COBL: variants seen among roughly 807,000 people sequenced by gnomAD.
COBL encodes the protein protein cordon-bleu.
Under a neutral mutation model 98.8 loss-of-function variants are expected in COBL, and 51 were observed. The observed-to-expected ratio is 0.52, with a 90% CI of 0.41 to 0.65. The LOEUF is 0.65. Among genes scored for constraint, COBL ranks in the 30% least tolerant of loss-of-function variants. COBL has a pLI of 0.00. For missense variants in COBL, 1,617 were observed against 1,617.5 expected (o/e 1.00, Z 0.01); for synonymous variants, 634 against 651.7 (o/e 0.97, Z 0.41).
chr7:51,047,704 ACTG>A (rs1789853149), intron 7 of COBL, among the ~76,000 whole-genome samples: 1 of 152,172 alleles, frequency 6.6e-6, no homozygotes, highest in Non-Finnish European at 1.5e-5. Flanking sequence ...GCCACCTCAC[ACTG>A]CTGCCTGTGG....
At chr7:51,290,699 A>G (rs1003586764) in intron 1 of COBL, among the ~76,000 whole-genome samples, 2 of 152,104 alleles carry the variant, frequency 1.3e-5, no homozygotes, top group Admixed American at 6.5e-5. Context: ...AGTTTCAGGA[A>G]GATTAAACTG....
chr7:51,085,370 G>A, intron 6 of COBL, 66 bp from the exon 7 acceptor site: 3 of 1,399,764 alleles, frequency 2.1e-6, no homozygotes, highest in Non-Finnish European at 2.9e-6. Flanking sequence ...AAAGAAGGCA[G>A]TATTAGGGTG....
At chr7:51,065,979 G>A (rs1343312470) in intron 7 of COBL, among the ~76,000 whole-genome samples, 3 of 152,162 alleles carry the variant, frequency 2.0e-5, no homozygotes, top group South Asian at 2.1e-4. Context: ...CAACCCTGCC[G>A]ACACTTTGAT....
chr7:51,170,710 A>G (rs145807983), intron 5 of COBL, among the ~76,000 whole-genome samples: 2,044 of 152,064 alleles, frequency 0.013, 46 homozygotes, highest in African/African-American at 0.047. Flanking sequence ...CCATGCTCCC[A>G]TATGTGGAAT....
chr7:51,081,965 G>A (rs1481983212), intron 7 of COBL, among the ~76,000 whole-genome samples: 5 of 151,990 alleles, frequency 3.3e-5, no homozygotes, highest in Non-Finnish European at 5.9e-5. Flanking sequence ...TTTGCATTCG[G>A]AAGCATGTCT....
At chr7:51,020,983 A>C (rs1786872711) in intron 12 of COBL, 1 of 152,226 alleles carries the variant, frequency 6.6e-6, no homozygotes, top group African/African-American at 2.4e-5. Context: ...TTGGGTGACC[A>C]ATCACCCAAT....
chr7:51,156,124 A>G (rs777438304), intron 5 of COBL: 8 of 977,650 alleles, frequency 8.2e-6, no homozygotes, highest in Non-Finnish European at 9.7e-6. Context: ...AAGAAAACAA[A>G]TATCAAAGAC....
At chr7:51,080,526 T>G (rs930934400) in intron 7 of COBL, among the ~76,000 whole-genome samples, 4 of 152,170 alleles carry the variant, frequency 2.6e-5, no homozygotes, top group African/African-American at 9.7e-5. Flanking sequence ...TGGTAAGGCC[T>G]CCTGCCTCGG....
At chr7:51,066,376 C>A (rs1791925855) in intron 7 of COBL, among the ~76,000 whole-genome samples, 1 of 152,154 alleles carries the variant, frequency 6.6e-6, no homozygotes, top group Non-Finnish European at 1.5e-5. Flanking sequence ...GAATGGCTTC[C>A]TGGGGAGATA....
At chr7:51,108,827 G>A (rs1402193437) in intron 6 of COBL, among the ~76,000 whole-genome samples, 1 of 151,934 alleles carries the variant, frequency 6.6e-6, no homozygotes, top group Admixed American at 6.6e-5. Context: ...CTGAGCTCTT[G>A]TATAGCTCTC....
intron 2 of COBL, among the ~76,000 whole-genome samples, chr7:51,200,468 G>C (rs1293982947): frequency 6.6e-6 from 1 of 152,104 alleles, no homozygotes; most frequent in African/African-American, 2.4e-5. Flanking sequence ...AATAAAATCT[G>C]ACATCAGTTA....
chr7:51,026,802 G>C, intron 10 of COBL, 137 bp from the exon 11 acceptor site: 1 of 1,116,272 alleles, frequency 9.0e-7, no homozygotes, highest in Non-Finnish European at 1.3e-6. Context: ...GGAGGCTGTG[G>C]CACCAGAATT....
chr7:51,085,455 G>C (rs1234871501), intron 6 of COBL, 151 bp from the exon 7 acceptor site: 2 of 840,238 alleles, frequency 2.4e-6, no homozygotes, highest in South Asian at 1.8e-5. Flanking sequence ...TCCCTTTCCA[G>C]GTCCTCCCAC....
chr7:51,305,809 G>A (rs940512241), intron 1 of COBL, among the ~76,000 whole-genome samples: 3 of 151,716 alleles, frequency 2.0e-5, no homozygotes, highest in African/African-American at 7.3e-5. Context: ...CCAAGGCGGT[G>A]GATCACTTGA....
chr7:51,124,303 G>C (rs1456822510), intron 6 of COBL, among the ~76,000 whole-genome samples: 1 of 152,128 alleles, frequency 6.6e-6, no homozygotes, highest in African/African-American at 2.4e-5. Context: ...TGGCACAATG[G>C]CCTTTCATTA....
At chr7:51,191,660 G>A (rs549846452) in intron 3 of COBL, among the ~76,000 whole-genome samples, 1 of 151,598 alleles carries the variant, frequency 6.6e-6, no homozygotes, top group Non-Finnish European at 1.5e-5. Context: ...CTACACACAC[G>A]TATTTAAGCT....
intron 5 of COBL, among the ~76,000 whole-genome samples, chr7:51,160,639 C>T (rs1263862306): frequency 6.6e-6 from 1 of 152,152 alleles, no homozygotes; most frequent in African/African-American, 2.4e-5. Context: ...ATTATGAGCT[C>T]ACGGTACACA....
chr7:51,221,010 C>T (rs1382666088), intron 1 of COBL, among the ~76,000 whole-genome samples: 3 of 152,146 alleles, frequency 2.0e-5, no homozygotes, highest in South Asian at 2.1e-4. Context: ...GGTAGCAGGT[C>T]GAGTACTTAC....
intron 1 of COBL, among the ~76,000 whole-genome samples, chr7:51,309,993 C>T (rs1311189432): frequency 2.0e-5 from 3 of 152,172 alleles, no homozygotes; most frequent in Non-Finnish European, 4.4e-5. Context: ...CTCTCCAGGC[C>T]AAGGTGAGAG....
Sources: allele counts gnomAD v4.1 joint callset (sites outside exome capture counted in the v4.1 genomes callset), GRCh38; gene constraint gnomAD v4.1.1; transcripts MANE v1.5; gene names NCBI Gene and HGNC (gene_info 2026-07-23, HGNC 2026-07-21).